The following EHBP1 variants were observed in gnomAD, a reference collection of about 807,000 sequenced individuals.
The protein encoded by EHBP1 is EH domain binding protein 1.
Under a neutral mutation model 144.0 loss-of-function variants are expected in EHBP1, and 55 were observed. The observed-to-expected ratio is 0.38, with a 90% CI of 0.31 to 0.48. The LOEUF is 0.48. Ranked by LOEUF, EHBP1 falls within the 20% of genes least tolerant of loss-of-function variation. The probability of loss-of-function intolerance (pLI) is 0.98; values close to 1 mark genes in which losing one functional copy is unlikely to be tolerated. For missense variants in EHBP1, 1,200 were observed against 1,364.2 expected (o/e 0.88, Z 1.90); for synonymous variants, 469 against 472.7 (o/e 0.99, Z 0.10).
At chr2:62,715,127 T>A (rs2035536004) in intron 2 of EHBP1, among the ~76,000 whole-genome samples, 1 of 152,168 alleles carries the variant, frequency 6.6e-6, no homozygotes, top group Admixed American at 6.5e-5. Context: ...TTTCTTTTTT[T>A]CTTTTGAGAC....
intron 2 of EHBP1, among the ~76,000 whole-genome samples, chr2:62,722,433 ATT>A (rs752825037): frequency 1.4e-5 from 2 of 146,528 alleles, no homozygotes; most frequent in Admixed American, 6.8e-5. Flanking sequence ...AAAAATAGGG[ATT>A]TTTTTTTTTT....
intron 5 of EHBP1, among the ~76,000 whole-genome samples, chr2:62,823,042 G>T (rs1030210339): frequency 6.6e-6 from 1 of 152,074 alleles, no homozygotes; most frequent in Non-Finnish European, 1.5e-5. Context: ...GGTAGTAGTG[G>T]TGTGTATGTG....
chr2:63,042,056 A>C (rs1202919287), intron 21 of EHBP1, among the ~76,000 whole-genome samples: 1 of 152,178 alleles, frequency 6.6e-6, no homozygotes, highest in Non-Finnish European at 1.5e-5. Flanking sequence ...TTATTTCAAC[A>C]CTTTGGCTCA....
intron 16 of EHBP1, among the ~76,000 whole-genome samples, chr2:62,992,866 C>T (rs2059468115): frequency 1.3e-5 from 2 of 152,224 alleles, no homozygotes; most frequent in Admixed American, 1.3e-4. Context: ...TTTCAAAACA[C>T]TTAATAAAAA....
rs1170999092 is a variant in EHBP1, at chr2:63,045,361, G to A, written c.3393-49G>A. On this transcript the variant is annotated intron_variant, in intron 22 of 22. Transcript: ENST00000431489. The surrounding 1 kb of genome is among the most constrained non-coding windows in gnomAD (Gnocchi z 5.7). ...GGGGGAGTGCTGCTCTGCCCTCCAC[G>A]AAGAAAAATAATTTTGTTTCCTGTT... 4 of 1,577,130 alleles carry A rather than the reference G, an allele frequency of 2.5e-6. No homozygotes were observed. In the South Asian group the frequency reaches 3.3e-5, roughly 13 times the overall value.
intron 12 of EHBP1, among the ~76,000 whole-genome samples, chr2:62,946,994 G>A (rs2057108422): frequency 6.6e-6 from 1 of 152,044 alleles, no homozygotes; most frequent in Admixed American, 6.6e-5. Context: ...AGATAATTTG[G>A]GAATGTTTAG....
chr2:62,883,850 A>T (rs2051686461), intron 10 of EHBP1, among the ~76,000 whole-genome samples: 1 of 152,190 alleles, frequency 6.6e-6, no homozygotes, highest in African/African-American at 2.4e-5. Flanking sequence ...TCACGCCTGT[A>T]TTCCCAGTTA....
intron 5 of EHBP1, 101 bp downstream of exon 5, chr2:62,771,493 A>C (rs1385129877): frequency 1.2e-6 from 1 of 826,642 alleles, no homozygotes; most frequent in Non-Finnish European, 1.9e-6. Context: ...TGTTGCCTTA[A>C]GAAAATTAAA....
chr2:62,837,606 A>G (rs1322890861), intron 7 of EHBP1, among the ~76,000 whole-genome samples: 1 of 149,720 alleles, frequency 6.7e-6, no homozygotes, highest in East Asian at 2.0e-4. Context: ...TCTCACGTGC[A>G]GAGACACACA....
intron 19 of EHBP1, among the ~76,000 whole-genome samples, chr2:62,998,430 G>A (rs1298709199): frequency 1.3e-5 from 2 of 152,140 alleles, no homozygotes; most frequent in African/African-American, 2.4e-5. Flanking sequence ...ACTATTTCCT[G>A]TAAATATTTT....
chr2:62,814,705 C>T (rs2045312284), intron 5 of EHBP1, among the ~76,000 whole-genome samples: 1 of 152,156 alleles, frequency 6.6e-6, no homozygotes, highest in Non-Finnish European at 1.5e-5. Context: ...GGCATAGCTT[C>T]TAAACAGACA....
In EHBP1 at chr2:62,952,932, A is replaced by G. The variant is rs537481532; in HGVS notation, c.2317-2585A>G. Among the ~76,000 whole-genome samples, 24 of 152,296 alleles carry G rather than the reference A, an allele frequency of 1.6e-4. No homozygotes were observed. The South Asian group carries it at 5.0e-3, about 32-fold the overall frequency. On this transcript the variant is annotated intron_variant, in intron 13 of 22. Coordinates refer to ENST00000431489, the MANE Select transcript of EHBP1 (RefSeq NM_001142616.3). Reference sequence around the variant, plus strand: ...CCTAAGGAAATAATTAGAATTGTATAATATGGCCGGGTACCATGGCTCACT... The same window carrying G: ...CCTAAGGAAATAATTAGAATTGTATGATATGGCCGGGTACCATGGCTCACT...
At chr2:62,838,798 T>C (rs1266330991) in intron 7 of EHBP1, among the ~76,000 whole-genome samples, 37 of 146,732 alleles carry the variant, frequency 2.5e-4, no homozygotes, top group African/African-American at 8.8e-4. Context: ...CAGGAAGAAG[T>C]TGAATCTCTG....
At chr2:62,759,526 C>A (rs530369811) in intron 3 of EHBP1, among the ~76,000 whole-genome samples, 18 of 152,246 alleles carry the variant, frequency 1.2e-4, no homozygotes, top group African/African-American at 4.3e-4. Flanking sequence ...CTGCCTCAGC[C>A]TCCCAAGTAG....
At chr2:62,860,661 G>C (rs2049446236) in intron 8 of EHBP1, among the ~76,000 whole-genome samples, 1 of 152,110 alleles carries the variant, frequency 6.6e-6, no homozygotes, top group Non-Finnish European at 1.5e-5. Flanking sequence ...ACAACTTCTT[G>C]ATTTTATACT....
intron 10 of EHBP1, among the ~76,000 whole-genome samples, chr2:62,883,903 A>G (rs1290959558): frequency 6.6e-6 from 1 of 152,212 alleles, no homozygotes; most frequent in Non-Finnish European, 1.5e-5. Context: ...CCTGGGAGGT[A>G]GAGGCTGAAG....
chr2:62,903,214 T>C (rs1186910186), intron 10 of EHBP1, among the ~76,000 whole-genome samples: 1 of 152,224 alleles, frequency 6.6e-6, no homozygotes, highest in Non-Finnish European at 1.5e-5. Context: ...CTATTCACTT[T>C]ATTAAAATTA....
At chr2:62,851,730 T>C (rs2048706935) in intron 7 of EHBP1, among the ~76,000 whole-genome samples, 1 of 152,174 alleles carries the variant, frequency 6.6e-6, no homozygotes, top group Admixed American at 6.6e-5. Flanking sequence ...AGGGAAGCAT[T>C]GGTATAGAAA....
intron 5 of EHBP1, among the ~76,000 whole-genome samples, chr2:62,786,526 G>A (rs916730448): frequency 1.3e-4 from 20 of 152,120 alleles, no homozygotes; most frequent in Admixed American, 4.6e-4. Flanking sequence ...AGAAAATGTG[G>A]GATGAGAAAT....
Sources: allele counts gnomAD v4.1 joint callset (sites outside exome capture counted in the v4.1 genomes callset), GRCh38; gene constraint gnomAD v4.1.1; non-coding constraint Gnocchi (gnomAD v3.1); transcripts MANE v1.5; gene names NCBI Gene and HGNC (gene_info 2026-07-23, HGNC 2026-07-21).